Variants in PRKN observed in about 807,000 individuals in gnomAD.
The protein encoded by PRKN is parkin RBR E3 ubiquitin protein ligase.
In PRKN, 56 loss-of-function variants were observed where a neutral mutation model predicts 59.5. That is an observed-to-expected ratio of 0.94 (90% confidence interval 0.76 to 1.18). The LOEUF (loss-of-function observed/expected upper bound fraction) is 1.18. Among genes scored for constraint, PRKN ranks in the 50% most tolerant of loss-of-function variants. The probability of loss-of-function intolerance (pLI) is 0.00; values close to 1 mark genes in which losing one functional copy is unlikely to be tolerated. For synonymous variants in PRKN, 250 were observed against 222.1 expected, an observed-to-expected ratio of 1.13 and a Z score of -1.12; for missense variants, 657 against 596.4, an observed-to-expected ratio of 1.10 and a Z score of -1.06.
At chr6:161,893,305 A>G (rs1777487203) in intron 6 of PRKN, among the ~76,000 whole-genome samples, 1 of 152,234 alleles carries the variant, frequency 6.6e-6, no homozygotes, top group Non-Finnish European at 1.5e-5. Context: ...GGTACCATAG[A>G]ATACTAACAT....
At chr6:162,667,613 T>C (rs1016628075) in intron 1 of PRKN, among the ~76,000 whole-genome samples, 1 of 152,110 alleles carries the variant, frequency 6.6e-6, no homozygotes, top group Non-Finnish European at 1.5e-5. Flanking sequence ...GTGTCCTATA[T>C]ATATATTTAA....
chr6:162,328,326 A>G (rs1783406551), intron 2 of PRKN, among the ~76,000 whole-genome samples: 1 of 152,160 alleles, frequency 6.6e-6, no homozygotes, highest in African/African-American at 2.4e-5. Flanking sequence ...AGATCGCACC[A>G]CTGCACTGCA....
intron 7 of PRKN, among the ~76,000 whole-genome samples, chr6:161,733,798 GTATATA>G (rs10597402): frequency 0.057 from 7,016 of 122,414 alleles, 887 homozygotes; most frequent in African/African-American, 0.22. Context: ...ATATATATAT[GTATATA>G]TATATATATA....
intron 2 of PRKN, among the ~76,000 whole-genome samples, chr6:162,377,896 C>T (rs1307177885): frequency 6.6e-6 from 1 of 152,138 alleles, no homozygotes; most frequent in South Asian, 2.1e-4. Context: ...CAAGTGAAAG[C>T]CAGATGGTTC....
chr6:162,585,454 T>C (rs763815075), intron 1 of PRKN, among the ~76,000 whole-genome samples: 4 of 152,168 alleles, frequency 2.6e-5, no homozygotes, highest in African/African-American at 4.8e-5. Flanking sequence ...TCTGGCTCCA[T>C]TCATTTATTC....
Position 161,357,586 on chromosome 6 carries a change from A to G in PRKN, c.1285+2502T>C, listed in dbSNP as rs1270582277. On this transcript the variant is annotated intron_variant, in intron 11 of 11. Coordinates refer to ENST00000366898, the MANE Select transcript of PRKN (RefSeq NM_004562.3). The surrounding 1 kb of genome is among the most constrained non-coding windows in gnomAD (Gnocchi z 5.5). ...CTAAGGTTATACGTCACACATGTTT[A>G]TTACAGAAAAGCATAAAAAGAAATA... is the stretch of plus-strand genomic sequence containing the variant. 6.6e-6 allele frequency among the ~76,000 whole-genome samples: 1 copy of G among 152,210 alleles called. No homozygotes were observed. Among genetic ancestry groups the G allele is most frequent in the Non-Finnish European group, 1.5e-5 (1 of 68,040 alleles).
intron 4 of PRKN, among the ~76,000 whole-genome samples, chr6:162,188,908 A>G (rs1658667691): frequency 6.6e-6 from 1 of 152,170 alleles, no homozygotes; most frequent in South Asian, 2.1e-4. Context: ...CTTTACTCAA[A>G]GTGCTCTAGC....
intron 2 of PRKN, among the ~76,000 whole-genome samples, chr6:162,431,060 C>A (rs1789497210): frequency 6.6e-6 from 1 of 151,720 alleles, no homozygotes; most frequent in Non-Finnish European, 1.5e-5. Context: ...TTATGTTGGT[C>A]CCTTAAAAAA....
intron 2 of PRKN, among the ~76,000 whole-genome samples, chr6:162,388,791 GCCAGCATCTGGC>G (rs1430865362): frequency 3.3e-5 from 5 of 152,080 alleles, no homozygotes; most frequent in Admixed American, 6.5e-5. Context: ...CTGCTGGGAT[GCCAGCATCTGGC>G]CCAGCATCTG....
intron 7 of PRKN, among the ~76,000 whole-genome samples, chr6:161,709,660 T>C (rs1250137339): frequency 6.6e-6 from 1 of 152,208 alleles, no homozygotes; most frequent in Non-Finnish European, 1.5e-5. Context: ...GCAGAGACTG[T>C]TAAAAGCCAA....
chr6:162,445,160 C>T (rs1221407119), intron 1 of PRKN, among the ~76,000 whole-genome samples: 1 of 152,114 alleles, frequency 6.6e-6, no homozygotes, highest in Non-Finnish European at 1.5e-5. Flanking sequence ...CAGGCACTTA[C>T]TATGTGCCAG....
intron 6 of PRKN, among the ~76,000 whole-genome samples, chr6:161,894,702 A>G (rs1412372445): frequency 6.6e-6 from 1 of 152,206 alleles, no homozygotes; most frequent in Non-Finnish European, 1.5e-5. Flanking sequence ...ACGTTTTCAC[A>G]TGCCCTTCCA....
At chr6:162,312,938 C>A (rs1219930953) in intron 2 of PRKN, among the ~76,000 whole-genome samples, 1 of 151,674 alleles carries the variant, frequency 6.6e-6, no homozygotes, top group African/African-American at 2.4e-5. Flanking sequence ...CACTAGATGC[C>A]AGAAGAAAAT....
In PRKN at chr6:161,407,032, G is replaced by T. The variant is rs535320220; in HGVS notation, c.1084-20155C>A. Among the ~76,000 whole-genome samples the T allele has an allele frequency of 6.6e-6, 1 of 152,166 alleles. No individual in the cohort carries two copies. The highest frequency in any genetic ancestry group is 2.1e-4 in the South Asian group (1 of 4,826). ...ATATTTTTAACAAAATGGGACTTCA[G>T]AGAAATTTAATTAAGATTTATTTCA... On this transcript the variant is annotated intron_variant, in intron 9 of 11. Transcript: ENST00000366898. This position sits in a 1 kb window ranked among gnomAD's most constrained non-coding sequence, Gnocchi z 4.9.
chr6:162,064,903 C>A (rs904943676), intron 4 of PRKN, among the ~76,000 whole-genome samples: 1 of 152,202 alleles, frequency 6.6e-6, no homozygotes, highest in African/African-American at 2.4e-5. Context: ...ATGTGATGCC[C>A]TTAAGGGCCC....
chr6:161,763,911 C>A (rs1303000312), intron 7 of PRKN, among the ~76,000 whole-genome samples: 1 of 152,110 alleles, frequency 6.6e-6, no homozygotes, highest in East Asian at 1.9e-4. Flanking sequence ...TTTCACCTCT[C>A]CTCTTGCCCC....
intron 1 of PRKN, among the ~76,000 whole-genome samples, chr6:162,660,365 G>A (rs1778831761): frequency 6.6e-6 from 1 of 152,106 alleles, no homozygotes; most frequent in Non-Finnish European, 1.5e-5. Flanking sequence ...CTTTCCTTAT[G>A]CAGTGTTCTC....
In PRKN at chr6:161,360,288, G is replaced by T; in HGVS notation, c.1168-83C>A. On this transcript the variant is annotated intron_variant, in intron 10 of 11. Coordinates refer to ENST00000366898, the MANE Select transcript of PRKN (RefSeq NM_004562.3). The surrounding 1 kb of genome is among the most constrained non-coding windows in gnomAD (Gnocchi z 5.1). ...TTTATGTTCCCTGTACGTCGGTACA[G>T]GAAATTCTTGAAGACAGGAGTGCCT... 8.9e-7 allele frequency: 1 copy of T among 1,125,144 alleles called. No individual in the cohort carries two copies. The highest frequency in any genetic ancestry group is 1.7e-5 in the Admixed American group (1 of 59,104). The allele number at this position is 1,125,144 out of a possible 1,614,324, so 69.7% of individuals were successfully genotyped here. A position where few individuals can be genotyped will look rare whatever the true frequency, so the allele number is the denominator to read the frequency against.
At chr6:162,450,642 C>T (rs539965328) in intron 1 of PRKN, among the ~76,000 whole-genome samples, 7 of 152,190 alleles carry the variant, frequency 4.6e-5, no homozygotes, top group East Asian at 3.9e-4. Context: ...CTAATCTTCA[C>T]GAAAACATCG....
Sources: allele counts gnomAD v4.1 joint callset (sites outside exome capture counted in the v4.1 genomes callset), GRCh38; gene constraint gnomAD v4.1.1; non-coding constraint Gnocchi (gnomAD v3.1); transcripts MANE v1.5; gene names NCBI Gene and HGNC (gene_info 2026-07-23, HGNC 2026-07-21).